RCAN2: variants seen among roughly 807,000 people sequenced by gnomAD.
RCAN2 encodes the protein regulator of calcineurin 2, also known as calcipressin-2.
RCAN2 carries 9 observed loss-of-function variants against 23.6 expected under a neutral mutation model. The ratio of observed to expected loss-of-function variants is 0.38; its 90% CI spans 0.23 to 0.67. The LOEUF is 0.67. RCAN2 is among the 30% of genes least tolerant of loss of function. RCAN2 has a pLI of 0.51. For missense variants in RCAN2, 273 were observed against 302.3 expected, an observed-to-expected ratio of 0.90 and a Z score of 0.72; for synonymous variants, 109 against 115.7, an observed-to-expected ratio of 0.94 and a Z score of 0.37.
intron 2 of RCAN2, among the ~76,000 whole-genome samples, chr6:46,279,685 G>T (rs144636059): frequency 1.0e-3 from 158 of 152,288 alleles, no homozygotes; most frequent in Non-Finnish European, 1.8e-3. Context: ...ATAAACATTG[G>T]CTTGGTTATC....
At chr6:46,336,217 G>A (rs1410814207) in intron 2 of RCAN2, among the ~76,000 whole-genome samples, 1 of 152,140 alleles carries the variant, frequency 6.6e-6, no homozygotes, top group Non-Finnish European at 1.5e-5. Context: ...AAATCAACTT[G>A]GCTGAATTTC....
chr6:46,248,917 G>A, intron 2 of RCAN2, 21 bp from the exon 3 acceptor site: 4 of 1,574,228 alleles, frequency 2.5e-6, no homozygotes, highest in Non-Finnish European at 3.5e-6. Context: ...CAAACACAGA[G>A]GAAAATCCAT....
At chr6:46,299,883 A>G (rs550141463) in intron 2 of RCAN2, among the ~76,000 whole-genome samples, 11 of 152,038 alleles carry the variant, frequency 7.2e-5, no homozygotes, top group African/African-American at 2.6e-4. Context: ...ATATATATAC[A>G]TAGGGACTGA....
intron 2 of RCAN2, among the ~76,000 whole-genome samples, chr6:46,389,136 A>G (rs1307340013): frequency 6.6e-6 from 1 of 151,416 alleles, no homozygotes; most frequent in African/African-American, 2.4e-5. Flanking sequence ...TATTTAAAAG[A>G]AAAAAAAATA....
Position 46,294,520 on chromosome 6 carries a change from TA to T in RCAN2, c.226-45625del, listed in dbSNP as rs563492107. On this transcript the variant is annotated intron_variant, in intron 2 of 4. Transcript: ENST00000371374. Reference sequence around the variant, plus strand: ...TTAAAGATTTAAGCACAATTTTTTTTAAATGAACAAACTAAATGTTCAACAA... The same window carrying T: ...TTAAAGATTTAAGCACAATTTTTTTTAATGAACAAACTAAATGTTCAACAA... 3.1e-3 allele frequency among the ~76,000 whole-genome samples: 474 copies of T among 152,318 alleles called. 3 individuals carry two copies. Among genetic ancestry groups the T allele is most frequent in the African/African-American group, 0.011 (445 of 41,582 alleles).
chr6:46,283,573 G>A (rs1762271672), intron 2 of RCAN2, among the ~76,000 whole-genome samples: 1 of 152,174 alleles, frequency 6.6e-6, no homozygotes, highest in Non-Finnish European at 1.5e-5. Context: ...CAAGAACTCT[G>A]ATTTTCTGAC....
intron 2 of RCAN2, among the ~76,000 whole-genome samples, chr6:46,333,943 A>G (rs115787665): frequency 0.011 from 1,619 of 152,306 alleles, 26 homozygotes; most frequent in African/African-American, 0.037. Context: ...GTTTGTTCCT[A>G]TGGTAAAGAG....
intron 2 of RCAN2, among the ~76,000 whole-genome samples, chr6:46,434,879 G>A (rs548236330): frequency 2.0e-5 from 3 of 152,168 alleles, no homozygotes; most frequent in South Asian, 4.1e-4. Flanking sequence ...ATCCTACATG[G>A]CACAGGGCAG....
chr6:46,332,479 T>A (rs915782958), intron 2 of RCAN2, among the ~76,000 whole-genome samples: 1 of 115,770 alleles, frequency 8.6e-6, no homozygotes, highest in Non-Finnish European at 1.6e-5. Context: ...CCCACAACAG[T>A]CCCCAGAGTG....
At chr6:46,316,727 C>T (rs1448135809) in intron 2 of RCAN2, among the ~76,000 whole-genome samples, 1 of 152,186 alleles carries the variant, frequency 6.6e-6, no homozygotes, top group Non-Finnish European at 1.5e-5. Flanking sequence ...GTGCTCAATA[C>T]ATTGTTGCTA....
chr6:46,444,293 A>C (rs1017231528), intron 2 of RCAN2, among the ~76,000 whole-genome samples: 1 of 152,194 alleles, frequency 6.6e-6, no homozygotes, highest in Non-Finnish European at 1.5e-5. Context: ...AGCTAGAATG[A>C]AGGGCTGTGG....
chr6:46,249,848 T>G (rs188680500), intron 2 of RCAN2, among the ~76,000 whole-genome samples: 1 of 152,058 alleles, frequency 6.6e-6, no homozygotes, highest in Non-Finnish European at 1.5e-5. Flanking sequence ...AGTGGCTGTA[T>G]GAAGCAGAAA....
chr6:46,371,974 A>C (rs769880335), intron 2 of RCAN2, among the ~76,000 whole-genome samples: 5 of 152,368 alleles, frequency 3.3e-5, no homozygotes, highest in Non-Finnish European at 7.3e-5. Flanking sequence ...ACAGATGTTC[A>C]ATAAACATGT....
chr6:46,307,310 T>C (rs1041590438), intron 2 of RCAN2, among the ~76,000 whole-genome samples: 1 of 152,046 alleles, frequency 6.6e-6, no homozygotes, highest in Non-Finnish European at 1.5e-5. Context: ...GACAAACACG[T>C]CATTAAGGAA....
chr6:46,468,117 T>A (rs1768446659), intron 1 of RCAN2, among the ~76,000 whole-genome samples: 1 of 152,248 alleles, frequency 6.6e-6, no homozygotes, highest in African/African-American at 2.4e-5. Flanking sequence ...GCAGCTATAA[T>A]CACTCATGAA....
rs150206577 is a variant in RCAN2 at position 46,288,149 on chromosome 6, T to C, written c.226-39253A>G. 5.4e-3 allele frequency among the ~76,000 whole-genome samples: 828 copies of C among 152,240 alleles called. 5 individuals carry two copies. Among genetic ancestry groups the C allele is most frequent in the African/African-American group, 0.018 (760 of 41,556 alleles). On this transcript the variant is annotated intron_variant, in intron 2 of 4. Transcript: ENST00000371374. ...ACTCCCTCTTTTTGCTGTCAGAAGT[T>C]CTCACGTTGCAGCAACAGGCAGCTG...
At chr6:46,349,064 C>A (rs888788485) in intron 2 of RCAN2, among the ~76,000 whole-genome samples, 1 of 152,130 alleles carries the variant, frequency 6.6e-6, no homozygotes, top group Non-Finnish European at 1.5e-5. Context: ...AACCATACAG[C>A]AAATTCAGAA....
intron 4 of RCAN2, among the ~76,000 whole-genome samples, chr6:46,241,563 A>G (rs1419979205): frequency 6.6e-6 from 1 of 152,260 alleles, no homozygotes; most frequent in Non-Finnish European, 1.5e-5. Flanking sequence ...AGAGAAATAA[A>G]ATGTGAGGGA....
intron 2 of RCAN2, among the ~76,000 whole-genome samples, chr6:46,351,793 G>T (rs1384196904): frequency 6.6e-6 from 1 of 152,196 alleles, no homozygotes; most frequent in East Asian, 1.9e-4. Context: ...TATGACCATG[G>T]TGTGGCAGTT....
Sources: gnomAD v4.1 joint callset for allele counts (sites outside exome capture counted in the v4.1 genomes callset) on GRCh38, gnomAD v4.1.1 for gene constraint, MANE v1.5 for transcripts, NCBI Gene and HGNC (gene_info 2026-07-23, HGNC 2026-07-21) for gene names.